The following UNC13B variants were observed in gnomAD, a reference collection of about 807,000 sequenced individuals.
The protein encoded by UNC13B is unc-13 homolog B.
Under a neutral mutation model 211.0 loss-of-function variants are expected in UNC13B, and 144 were observed. That is an observed-to-expected ratio of 0.68 (90% CI 0.60 to 0.78). UNC13B has a LOEUF of 0.78. Among genes scored for constraint, UNC13B ranks in the 30% least tolerant of loss-of-function variants. The pLI is 0.00. For synonymous variants in UNC13B, 709 were observed against 725.8 expected, an observed-to-expected ratio of 0.98 and a Z score of 0.37; for missense variants, 1,777 against 2,002.0, an observed-to-expected ratio of 0.89 and a Z score of 2.14.
intron 3 of UNC13B, among the ~76,000 whole-genome samples, chr9:35,234,626 G>A (rs1009654963): frequency 5.3e-5 from 8 of 152,138 alleles, no homozygotes. Context: ...AGATAGCTTA[G>A]AAGTTTTTGG....
At position 35,399,691 on chromosome 9, in the gene UNC13B, C is replaced by A; in HGVS notation, c.12298C>A (p.Gln4100Lys). The change falls in exon 36 of 40, where the codon CAG (glutamine) becomes AAG (lysine). Residue 4100 changes from glutamine (Q) to lysine (K), a missense_variant. Coordinates refer to ENST00000635942, the MANE Select transcript of UNC13B (RefSeq NM_001371189.2). ...REETRNLTPK[Q>K]CAVLDLALDT... ...GGAAACACGGAATCTCACTCCAAAG[C>A]AGTGTGCAGTCCTTGACCTCGCCCT... 1 of 1,614,158 alleles carries A rather than the reference C, an allele frequency of 6.2e-7. No individual in the cohort carries two copies. Among genetic ancestry groups the A allele is most frequent in the Non-Finnish European group, 8.5e-7 (1 of 1,180,020 alleles).
In UNC13B at chr9:35,397,200, T is replaced by C; in HGVS notation, c.11566T>C (p.Cys3856Arg). Reference sequence around the variant, plus strand: ...GACATCAGAGCATGCACTCTTTTCCTGCTCTGTGGTGGATGTCTTCACACA... The same window carrying C: ...GACATCAGAGCATGCACTCTTTTCCCGCTCTGTGGTGGATGTCTTCACACA... ...QQTSEHALFS[C>R]SVVDVFTQLN... Residue 3856 changes from cysteine (C) to arginine (R), a missense_variant, in exon 29 of 40, where the codon TGC becomes CGC. By Grantham distance (180) the Cys-to-Arg change is radical. Coordinates refer to ENST00000635942, the MANE Select transcript of UNC13B (RefSeq NM_001371189.2). The C allele has an allele frequency of 6.2e-7, 1 of 1,614,210 alleles. No homozygotes were observed. Among genetic ancestry groups the C allele is most frequent in the African/African-American group, 1.3e-5 (1 of 75,068 alleles).
intron 11 of UNC13B, among the ~76,000 whole-genome samples, chr9:35,320,191 G>A (rs757149197): frequency 1.3e-5 from 2 of 152,088 alleles, no homozygotes; most frequent in South Asian, 2.1e-4. Flanking sequence ...ATAATGCTGC[G>A]ATGAATATAT....
chr9:35,323,463 T>A (rs1830844596), intron 11 of UNC13B, among the ~76,000 whole-genome samples: 1 of 152,194 alleles, frequency 6.6e-6, no homozygotes, highest in South Asian at 2.1e-4. Context: ...CCACAGCTTT[T>A]GAGACCCCTC....
intron 36 of UNC13B, among the ~76,000 whole-genome samples, chr9:35,400,012 C>T (rs565104138): frequency 1.3e-5 from 2 of 152,300 alleles, no homozygotes; most frequent in South Asian, 4.1e-4. Flanking sequence ...GGTAAAAGAG[C>T]ACTTTTGGTT....
intron 1 of UNC13B, among the ~76,000 whole-genome samples, chr9:35,226,109 C>T (rs946745135): frequency 1.3e-5 from 2 of 152,114 alleles, no homozygotes; most frequent in Non-Finnish European, 2.9e-5. Flanking sequence ...GTTCTTTAGC[C>T]AGTAAATGCC....
chr9:35,167,912 T>C (rs1430604805), intron 1 of UNC13B, among the ~76,000 whole-genome samples: 2 of 151,520 alleles, frequency 1.3e-5, no homozygotes, highest in Non-Finnish European at 2.9e-5. Flanking sequence ...CTGTAGATGG[T>C]TTTTAAACAT....
chr9:35,369,206 T>C (rs922940323), intron 12 of UNC13B, among the ~76,000 whole-genome samples: 1 of 152,200 alleles, frequency 6.6e-6, no homozygotes, highest in African/African-American at 2.4e-5. Flanking sequence ...TTTGCCTAGA[T>C]AGCTACAAGT....
chr9:35,244,862 G>A (rs566403734), intron 6 of UNC13B, among the ~76,000 whole-genome samples: 8 of 152,162 alleles, frequency 5.3e-5, no homozygotes, highest in Non-Finnish European at 1.0e-4. Flanking sequence ...AATGAAAGAT[G>A]AAGAAATGGC....
intron 12 of UNC13B, among the ~76,000 whole-genome samples, chr9:35,368,417 C>T (rs1161165260): frequency 6.6e-6 from 1 of 152,214 alleles, no homozygotes; most frequent in African/African-American, 2.4e-5. Context: ...ACATAGTATT[C>T]TGCGGTGTAT....
intron 6 of UNC13B, among the ~76,000 whole-genome samples, chr9:35,256,267 CTTAG>C (rs1349801713): frequency 6.6e-6 from 1 of 152,072 alleles, no homozygotes; most frequent in East Asian, 1.9e-4. Flanking sequence ...TTGCATTACA[CTTAG>C]TTGTCATGTC....
chr9:35,291,021 A>G (rs1393410207), intron 7 of UNC13B: 10 of 1,546,712 alleles, frequency 6.5e-6, no homozygotes, highest in South Asian at 1.2e-5. Context: ...AATTCCTTCA[A>G]AAAAGTATTT....
intron 1 of UNC13B, among the ~76,000 whole-genome samples, chr9:35,200,499 CTT>C (rs1823218289): frequency 6.6e-6 from 1 of 152,174 alleles, no homozygotes; most frequent in African/African-American, 2.4e-5. Flanking sequence ...TTTGTGTCCT[CTT>C]TTATTTTGTT....
intron 11 of UNC13B, among the ~76,000 whole-genome samples, chr9:35,327,556 C>T (rs1294396997): frequency 6.6e-6 from 1 of 152,220 alleles, no homozygotes; most frequent in Non-Finnish European, 1.5e-5. Context: ...ATTCCACCTT[C>T]TTCCACCTGC....
rs1587583819 is a variant in UNC13B at position 35,306,479 on chromosome 9, G to GA, written c.7077dup (p.Glu2360ArgfsTer11). ...GAACCTTGGGATAGCTCCCCATGAAGAAGAGGCTTTCAACCACAAAGCCTT... is the reference window on the plus strand; with the variant it reads ...GAACCTTGGGATAGCTCCCCATGAAGAAAGAGGCTTTCAACCACAAAGCCTT... On this transcript the variant is annotated frameshift_variant, in exon 9 of 40. Transcript: ENST00000635942. LOFTEE classifies it high-confidence loss of function. 1 of 399,020 alleles carries GA rather than the reference G, an allele frequency of 2.5e-6. No individual in the cohort carries two copies. Among genetic ancestry groups the GA allele is most frequent in the East Asian group, 3.6e-5 (1 of 28,068 alleles). The allele number at this position is 399,020 out of a possible 1,614,324, so 24.7% of individuals were successfully genotyped here.
In UNC13B at chr9:35,195,892, C is replaced by T. The variant is rs186757275; in HGVS notation, c.23-32123C>T. Among the ~76,000 whole-genome samples the T allele has an allele frequency of 7.0e-4, 106 of 152,290 alleles. 3 individuals carry two copies. The East Asian group carries it at 0.018, about 25-fold the overall frequency. On this transcript the variant is annotated intron_variant, in intron 1 of 39. Transcript: ENST00000635942. ...CAGTTGGCTGAGAGATGTCACGGTC[C>T]ATCTTTATGTCCAAATATTTGACAA...
At position 35,302,863 on chromosome 9, in the gene UNC13B, T is replaced by C; in HGVS notation, c.3459T>C (p.Asn1153=). ...TQGSFLSGLF[N]RFSSAENLSS... ...GAAGCTTCCTTTCTGGCCTGTTTAA[T>C]AGGTTTTCTTCTGCTGAAAATTTGT... The change falls in exon 9 of 40, where the codon AAT becomes AAC. Residue 1153 remains asparagine (N), a synonymous_variant. Transcript: ENST00000635942. 2.5e-6 allele frequency: 1 copy of C among 398,666 alleles called. No individual in the cohort carries two copies. Among genetic ancestry groups the C allele is most frequent in the Non-Finnish European group, 4.4e-6 (1 of 225,748 alleles). 24.7% of individuals were successfully genotyped at this position (398,666 alleles called of 1,614,324 possible).
At chr9:35,357,828 A>G (rs1833132336) in intron 11 of UNC13B, among the ~76,000 whole-genome samples, 1 of 152,222 alleles carries the variant, frequency 6.6e-6, no homozygotes, top group Non-Finnish European at 1.5e-5. Flanking sequence ...TTAACCATTT[A>G]AAAATATATA....
chr9:35,364,404 G>T (rs1399517556), intron 11 of UNC13B: 21 of 803,556 alleles, frequency 2.6e-5, no homozygotes, highest in Non-Finnish European at 3.6e-5. Context: ...TGGGCTCTAT[G>T]AACTGCCTAG....
Sources: allele counts gnomAD v4.1 joint callset (sites outside exome capture counted in the v4.1 genomes callset), GRCh38; gene constraint gnomAD v4.1.1; transcripts MANE v1.5; gene names NCBI Gene and HGNC (gene_info 2026-07-23, HGNC 2026-07-21).